Variants in NCOA2 observed in about 807,000 individuals in gnomAD.
NCOA2 encodes the protein nuclear receptor coactivator 2.
In NCOA2, 21 loss-of-function variants were observed where a neutral mutation model predicts 145.1. The ratio of observed to expected loss-of-function variants is 0.14; its 90% confidence interval spans 0.10 to 0.21. NCOA2 has a LOEUF of 0.21. Ranked by LOEUF, NCOA2 falls within the 10% of genes least tolerant of loss-of-function variation. The pLI, the probability that NCOA2 is intolerant of heterozygous loss-of-function variation, is 1.00. For synonymous variants in NCOA2, 619 were observed against 637.5 expected (o/e 0.97, Z 0.44); for missense variants, 1,472 against 1,837.6 (o/e 0.80, Z 3.64).
At position 70,339,181 on chromosome 8, in the gene NCOA2, A is replaced by G. The variant is rs913423732; in HGVS notation, c.-76-42381T>C. Among the ~76,000 whole-genome samples, 3 of 152,172 alleles carry G rather than the reference A, an allele frequency of 2.0e-5. No individual in the cohort carries two copies. In the South Asian group the frequency reaches 6.2e-4, roughly 32 times the overall value. On this transcript the variant is annotated intron_variant, in intron 1 of 22. Coordinates refer to ENST00000452400, the MANE Select transcript of NCOA2 (RefSeq NM_006540.4). ...AAGACAGCATGATCCAGCATCTAGA[A>G]AACCCCATAGTCTCAGCCCGAAAGC...
intron 1 of NCOA2, among the ~76,000 whole-genome samples, chr8:70,304,329 C>G (rs1023722139): frequency 1.3e-5 from 2 of 152,198 alleles, no homozygotes; most frequent in Non-Finnish European, 2.9e-5. Context: ...ACATGCTACA[C>G]AGGTTTGTAG....
chr8:70,155,018 C>A (rs1269014123), intron 11 of NCOA2, among the ~76,000 whole-genome samples: 1 of 152,148 alleles, frequency 6.6e-6, no homozygotes, highest in African/African-American at 2.4e-5. Flanking sequence ...TTCAAAACAA[C>A]ATGTTGTATA....
chr8:70,309,118 A>G (rs922537156), intron 1 of NCOA2, among the ~76,000 whole-genome samples: 3 of 152,312 alleles, frequency 2.0e-5, no homozygotes, highest in South Asian at 2.1e-4. Flanking sequence ...CAAGCTGGCC[A>G]TGTGGAAAAG....
intron 4 of NCOA2, among the ~76,000 whole-genome samples, chr8:70,207,343 C>T (rs1818546665): frequency 6.6e-6 from 1 of 152,134 alleles, no homozygotes; most frequent in Non-Finnish European, 1.5e-5. Flanking sequence ...AGCATTATAA[C>T]ACATTCAATT....
chr8:70,138,127 C>T (rs1809955624), intron 15 of NCOA2, 76 bp downstream of exon 15: 9 of 1,486,214 alleles, frequency 6.1e-6, no homozygotes, highest in East Asian at 2.3e-5. Flanking sequence ...TGGTCAGGCA[C>T]CGACTACTCC....
chr8:70,334,763 A>G (rs1421541103), intron 1 of NCOA2, among the ~76,000 whole-genome samples: 2 of 152,174 alleles, frequency 1.3e-5, no homozygotes. Context: ...TCAATTATCA[A>G]AAAGTAGAGA....
At chr8:70,388,540 A>G (rs1410171251) in intron 1 of NCOA2, among the ~76,000 whole-genome samples, 1 of 152,214 alleles carries the variant, frequency 6.6e-6, no homozygotes, top group Non-Finnish European at 1.5e-5. Context: ...ATATTATACA[A>G]TAATTATTTG....
At chr8:70,217,899 C>T (rs548069730) in intron 2 of NCOA2, among the ~76,000 whole-genome samples, 4 of 152,250 alleles carry the variant, frequency 2.6e-5, no homozygotes, top group African/African-American at 4.8e-5. Flanking sequence ...TTCCTTCTGG[C>T]CCCCAGACTT....
chr8:70,432,839 T>A, the NCOA2 span, among the ~76,000 whole-genome samples: 1 of 152,154 alleles, frequency 6.6e-6, no homozygotes, highest in African/African-American at 2.4e-5. Context: ...ATAGCAAAGT[T>A]AAAAATCTAT....
At chr8:70,389,824 C>T (rs1264734832) in intron 1 of NCOA2, among the ~76,000 whole-genome samples, 1 of 151,704 alleles carries the variant, frequency 6.6e-6, no homozygotes, top group African/African-American at 2.4e-5. Context: ...GCCCACCGCA[C>T]CCAGCTCATT....
chr8:70,423,474 C>T, the NCOA2 span, among the ~76,000 whole-genome samples: 1 of 152,146 alleles, frequency 6.6e-6, no homozygotes, highest in Non-Finnish European at 1.5e-5. Context: ...CGCGCCTGGG[C>T]TTTCTTTATA....
rs772216396 is a variant in NCOA2 at position 70,128,464 on chromosome 8, T to G, written c.3650A>C (p.Asn1217Thr). ...MNQISNVSNV[N>T]LTLRPGVPTQ... ...TGGTACTCCAGGCCTCAGAGTCAAG[T>G]TCACATTGGAAACATTGCTGATTTG... The change falls in exon 18 of 23, where the codon AAC becomes ACC. Residue 1217 changes from asparagine (N) to threonine (T), a missense_variant. Coordinates refer to ENST00000452400, the MANE Select transcript of NCOA2 (RefSeq NM_006540.4). 1.1e-5 allele frequency: 18 copies of G among 1,612,926 alleles called. No homozygotes were observed.
chr8:70,272,109 A>G (rs1376173884), intron 2 of NCOA2, among the ~76,000 whole-genome samples: 4 of 152,228 alleles, frequency 2.6e-5, no homozygotes, highest in African/African-American at 2.4e-5. Context: ...TAAAGCTTCA[A>G]AAGTACACAC....
rs182698474 is a variant in NCOA2 at position 70,363,308 on chromosome 8, A to G, written c.-77+40392T>C. On this transcript the variant is annotated intron_variant, in intron 1 of 22. Coordinates refer to ENST00000452400, the MANE Select transcript of NCOA2 (RefSeq NM_006540.4). ...TGAGGCAAAAGAATGGTGTGAACCC[A>G]GGAGGCAGAGCTTGCAGTAAGCAGA... is the stretch of plus-strand genomic sequence containing the variant. Among the ~76,000 whole-genome samples, 891 of 151,646 alleles carry G rather than the reference A, an allele frequency of 5.9e-3. 5 individuals carry two copies. Among genetic ancestry groups the G allele is most frequent in the African/African-American group, 0.02 (831 of 41,342 alleles).
chr8:70,408,992 A>G, the NCOA2 span, among the ~76,000 whole-genome samples: 1 of 151,926 alleles, frequency 6.6e-6, no homozygotes, highest in African/African-American at 2.4e-5. Context: ...TAATCCCTGC[A>G]CTTTGGGAGG....
intron 22 of NCOA2, among the ~76,000 whole-genome samples, chr8:70,116,295 T>G (rs942256997): frequency 9.2e-5 from 14 of 151,824 alleles, no homozygotes; most frequent in Non-Finnish European, 1.9e-4. Flanking sequence ...CTCACGCCTG[T>G]AATCCCAGCA....
At chr8:70,455,809 A>G in the NCOA2 span, among the ~76,000 whole-genome samples, 611 of 152,216 alleles carry the variant, frequency 4.0e-3, 5 homozygotes, top group African/African-American at 0.014. Context: ...TTTCCTAACA[A>G]TTTCAGAACA....
intron 2 of NCOA2, among the ~76,000 whole-genome samples, chr8:70,248,095 T>C (rs761591721): frequency 6.6e-6 from 1 of 152,254 alleles, no homozygotes; most frequent in African/African-American, 2.4e-5. Context: ...ATTTGTCAAG[T>C]TGTTTTTAGC....
intron 11 of NCOA2, among the ~76,000 whole-genome samples, chr8:70,153,782 G>T (rs1812007546): frequency 6.6e-6 from 1 of 152,180 alleles, no homozygotes; most frequent in Non-Finnish European, 1.5e-5. Context: ...TTTCTGCTGA[G>T]ACACCAGTTT....
Sources: allele counts gnomAD v4.1 joint callset (sites outside exome capture counted in the v4.1 genomes callset), GRCh38; gene constraint gnomAD v4.1.1; transcripts MANE v1.5; gene names NCBI Gene and HGNC (gene_info 2026-07-23, HGNC 2026-07-21).